The following MYCBP2 variants were observed in gnomAD, a reference collection of about 807,000 sequenced individuals.
MYCBP2 encodes MYC binding protein 2.
In MYCBP2, 120 loss-of-function variants were observed where a neutral mutation model predicts 525.3. That is an observed-to-expected ratio of 0.23 (90% CI 0.20 to 0.27). MYCBP2 has a LOEUF of 0.27. Ranked by LOEUF, MYCBP2 falls within the 10% of genes least tolerant of loss-of-function variation. The probability of loss-of-function intolerance (pLI) is 1.00; values close to 1 mark genes in which losing one functional copy is unlikely to be tolerated. For missense variants in MYCBP2, 4,149 were observed against 5,657.1 expected (o/e 0.73, Z 8.55); for synonymous variants, 1,894 against 1,955.8 (o/e 0.97, Z 0.83).
Position 77,260,408 on chromosome 13 carries a change from A to G in MYCBP2, c.2017+20T>C, listed in dbSNP as rs2073067869. On this transcript the variant is annotated intron_variant, in intron 13 of 82. Coordinates refer to ENST00000544440, the MANE Select transcript of MYCBP2 (RefSeq NM_015057.5). ...TATTGAAACTTCTTTGCATAAAAGT[A>G]AAACTTTTTATTAACTTACTTGAAC... The G allele has an allele frequency of 6.6e-7, 1 of 1,522,684 alleles. No homozygotes were observed. Among genetic ancestry groups the G allele is most frequent in the South Asian group, 1.3e-5 (1 of 75,704 alleles). 94.3% of individuals were successfully genotyped at this position (1,522,684 alleles called of 1,614,324 possible). A position where few individuals can be genotyped will look rare whatever the true frequency, so the allele number is the denominator to read the frequency against.
At chr13:77,246,750 A>G (rs936648820) in intron 15 of MYCBP2, among the ~76,000 whole-genome samples, 1 of 152,098 alleles carries the variant, frequency 6.6e-6, no homozygotes, top group African/African-American at 2.4e-5. Flanking sequence ...TAACAAAACA[A>G]ATTCAGCAGG....
intron 5 of MYCBP2, chr13:77,272,235 C>T (rs918074189): frequency 7.9e-5 from 12 of 152,222 alleles, no homozygotes; most frequent in Admixed American, 7.9e-4. Flanking sequence ...CATGCCTTAG[C>T]ATGTGGATAC....
At chr13:77,092,930 T>A (rs761416715) in intron 59 of MYCBP2, among the ~76,000 whole-genome samples, 1 of 152,176 alleles carries the variant, frequency 6.6e-6, no homozygotes, top group African/African-American at 2.4e-5. Flanking sequence ...TTAAGTAATG[T>A]CATATAATGT....
chr13:77,088,399 A>C (rs2044743449), intron 61 of MYCBP2, among the ~76,000 whole-genome samples: 1 of 152,228 alleles, frequency 6.6e-6, no homozygotes, highest in Non-Finnish European at 1.5e-5. Context: ...ACACAGATTT[A>C]CTATATATAG....
chr13:77,255,594 A>G (rs1211677776), intron 14 of MYCBP2, among the ~76,000 whole-genome samples: 1 of 152,000 alleles, frequency 6.6e-6, no homozygotes, highest in Non-Finnish European at 1.5e-5. Flanking sequence ...TATCCAAAAC[A>G]AGTTCACTAA....
chr13:77,173,290 C>T (rs1250381815), intron 37 of MYCBP2, among the ~76,000 whole-genome samples: 2 of 152,176 alleles, frequency 1.3e-5, no homozygotes, highest in African/African-American at 2.4e-5. Context: ...ATGGCAGATG[C>T]TCTTAGTGGC....
chr13:77,234,787 C>T (rs146669237), intron 17 of MYCBP2, among the ~76,000 whole-genome samples: 1 of 151,674 alleles, frequency 6.6e-6, no homozygotes, highest in Admixed American at 6.6e-5. Context: ...ATATAAATTA[C>T]TATAAAAAGT....
intron 3 of MYCBP2, among the ~76,000 whole-genome samples, chr13:77,285,510 G>A (rs2076631829): frequency 6.6e-6 from 1 of 152,186 alleles, no homozygotes; most frequent in South Asian, 2.1e-4. Flanking sequence ...CTATTGGCCA[G>A]GCACGGTGAC....
rs1317191510 is a variant in MYCBP2, at chr13:77,125,445, C to A, written c.7908G>T (p.Trp2636Cys). The change falls in exon 54 of 83, where the codon TGG becomes TGT. Residue 2636 changes from tryptophan to cysteine, a missense_variant. This residue lies in a region of MYCBP2 where 653 missense variants were observed against 744.7 expected (regional missense o/e 0.88). Coordinates refer to ENST00000544440, the MANE Select transcript of MYCBP2 (RefSeq NM_015057.5). ...VGEVTNSEGT[W>C]VQLDQNSMVE... ...CCATGCTGTTCTGATCCAGTTGCACCCATGTCCCTTCAGAATTGGTTACCT... is the reference window on the plus strand; with the variant it reads ...CCATGCTGTTCTGATCCAGTTGCACACATGTCCCTTCAGAATTGGTTACCT... 6.2e-7 allele frequency: 1 copy of A among 1,613,756 alleles called. No individual in the cohort carries two copies. The highest frequency in any genetic ancestry group is 1.3e-5 in the African/African-American group (1 of 75,016).
intron 68 of MYCBP2, among the ~76,000 whole-genome samples, chr13:77,072,765 T>C (rs536592333): frequency 1.3e-5 from 2 of 152,148 alleles, no homozygotes; most frequent in African/African-American, 2.4e-5. Context: ...TCCAGAAACT[T>C]AGATGAAATG....
At chr13:77,147,501 A>G (rs955907082) in intron 47 of MYCBP2, among the ~76,000 whole-genome samples, 1 of 152,110 alleles carries the variant, frequency 6.6e-6, no homozygotes, top group Non-Finnish European at 1.5e-5. Flanking sequence ...CCAACTGCTC[A>G]TCTACTTCTA....
At position 77,126,526 on chromosome 13, in the gene MYCBP2, G is replaced by A; in HGVS notation, c.7676C>T (p.Thr2559Ile). 1 of 1,612,606 alleles carries A rather than the reference G, an allele frequency of 6.2e-7. No homozygotes were observed. The highest frequency in any genetic ancestry group is 8.5e-7 in the Non-Finnish European group (1 of 1,179,284). ...GTTTATGTCTTTGAAAAAGTCATCA[G>A]TATTAGTTTTAGATTCCTGAAAATT... The part of the protein sequence containing the change: ...LVPVDESKTN[T>I]DDFFKDINSC... Residue 2559 changes from threonine (T) to isoleucine (I), a missense_variant, in exon 53 of 83, where the codon ACT (threonine) becomes ATT (isoleucine). Thr to Ile is a moderately conservative substitution (Grantham distance 89, BLOSUM62 -1). Around this residue, in one of 21 missense-constraint regions of MYCBP2, gnomAD observed 692 missense variants for 852.7 expected, o/e 0.81. Coordinates refer to ENST00000544440, the MANE Select transcript of MYCBP2 (RefSeq NM_015057.5).
chr13:77,234,359 T>C (rs894702709), intron 17 of MYCBP2, among the ~76,000 whole-genome samples: 6 of 151,988 alleles, frequency 3.9e-5, no homozygotes, highest in Admixed American at 2.0e-4. Context: ...TGATTCTCTA[T>C]TGATCTTCAG....
intron 18 of MYCBP2, among the ~76,000 whole-genome samples, chr13:77,227,052 T>C (rs1268576367): frequency 2.6e-5 from 4 of 152,154 alleles, no homozygotes; most frequent in African/African-American, 4.8e-5. Context: ...AAGAATTAAC[T>C]GCTGGACCCA....
chr13:77,160,565 A>C (rs1026498754), intron 44 of MYCBP2, among the ~76,000 whole-genome samples: 1 of 152,214 alleles, frequency 6.6e-6, no homozygotes, highest in African/African-American at 2.4e-5. Context: ...AAGAAGTCAC[A>C]AAACTTCTTT....
At chr13:77,288,467 G>T in intron 2 of MYCBP2, 91 bp from the exon 3 acceptor site, 1 of 1,102,554 alleles carries the variant, frequency 9.1e-7, no homozygotes, top group Non-Finnish European at 1.3e-6. Context: ...CACACTAACT[G>T]ACTTGCAGAA....
At chr13:77,107,665 G>A (rs2048051639) in intron 55 of MYCBP2, among the ~76,000 whole-genome samples, 1 of 152,124 alleles carries the variant, frequency 6.6e-6, no homozygotes, top group African/African-American at 2.4e-5. Flanking sequence ...TAGAGCCTGG[G>A]AGAGGGAGGT....
chr13:77,321,439 G>A (rs1023872229), intron 1 of MYCBP2, among the ~76,000 whole-genome samples: 1 of 152,146 alleles, frequency 6.6e-6, no homozygotes, highest in Admixed American at 6.5e-5. Flanking sequence ...ATTCAATCCC[G>A]CATTACTTCC....
intron 41 of MYCBP2, among the ~76,000 whole-genome samples, chr13:77,165,926 G>T (rs1255655641): frequency 1.3e-5 from 2 of 152,146 alleles, no homozygotes; most frequent in East Asian, 3.8e-4. Context: ...CTTCACACAA[G>T]AAAGTGGTTT....
Sources: allele counts gnomAD v4.1 joint callset (sites outside exome capture counted in the v4.1 genomes callset), GRCh38; gene constraint gnomAD v4.1.1; regional missense constraint gnomAD v4.1.1; transcripts MANE v1.5; gene names NCBI Gene and HGNC (gene_info 2026-07-23, HGNC 2026-07-21).